COA1: variants seen among roughly 807,000 people sequenced by gnomAD.
COA1 encodes the protein cytochrome c oxidase assembly factor 1, also known as cytochrome c oxidase assembly factor 1 homolog.
COA1 carries 13 observed loss-of-function variants against 16.0 expected under a neutral mutation model. That is an observed-to-expected ratio of 0.81 (90% CI 0.53 to 1.29). The LOEUF (loss-of-function observed/expected upper bound fraction) is 1.29. Ranked by LOEUF, COA1 falls within the 50% of genes most tolerant of loss-of-function variation. The pLI, the probability that COA1 is intolerant of heterozygous loss-of-function variation, is 0.00. For synonymous variants in COA1, 65 were observed against 65.7 expected (o/e 0.99, Z 0.05); for missense variants, 179 against 177.0 (o/e 1.01, Z -0.06).
At chr7:43,628,937 AC>A (rs2153035503) in intron 6 of COA1, among the ~76,000 whole-genome samples, 1 of 152,306 alleles carries the variant, frequency 6.6e-6, no homozygotes, top group East Asian at 1.9e-4. Context: ...GTCTTTGCCT[AC>A]CCAAGCTCAT....
At chr7:43,697,450 T>C (rs1401579708) in intron 1 of COA1, among the ~76,000 whole-genome samples, 1 of 151,966 alleles carries the variant, frequency 6.6e-6, no homozygotes, top group Non-Finnish European at 1.5e-5. Flanking sequence ...TGTGTCACCA[T>C]TCCCAGCTAA....
intron 3 of COA1, chr7:43,646,235 G>C (rs1584329249): frequency 4.4e-6 from 1 of 225,410 alleles, no homozygotes; most frequent in East Asian, 1.1e-4. Context: ...AGGGATACAG[G>C]GAATACCACA....
intron 1 of COA1, among the ~76,000 whole-genome samples, chr7:43,653,947 A>G (rs1261639407): frequency 1.3e-5 from 2 of 152,170 alleles, no homozygotes; most frequent in African/African-American, 2.4e-5. Flanking sequence ...CAGAAATTCC[A>G]TTTAAAATAC....
intron 1 of COA1, among the ~76,000 whole-genome samples, chr7:43,670,794 G>A (rs2093212533): frequency 6.6e-6 from 1 of 152,140 alleles, no homozygotes; most frequent in Non-Finnish European, 1.5e-5. Context: ...CCACTAAAAT[G>A]TAATCTGCAA....
chr7:43,668,972 G>A (rs192777792), intron 1 of COA1, among the ~76,000 whole-genome samples: 75 of 152,264 alleles, frequency 4.9e-4, no homozygotes, highest in African/African-American at 1.7e-3. Context: ...TTTGGACCCT[G>A]TATACTCAAT....
intron 6 of COA1, chr7:43,631,314 C>G (rs1475969112): frequency 6.6e-6 from 1 of 152,352 alleles, no homozygotes; most frequent in Non-Finnish European, 1.5e-5. Flanking sequence ...CAACCTCCAC[C>G]TCCCGGGTTC....
chr7:43,627,934 A>G (rs1359068769), intron 6 of COA1, among the ~76,000 whole-genome samples: 1 of 152,134 alleles, frequency 6.6e-6, no homozygotes, highest in Non-Finnish European at 1.5e-5. Context: ...TGTCTTTGAG[A>G]TTCATCTATG....
At chr7:43,616,871 TG>T (rs1288271173) in intron 6 of COA1, among the ~76,000 whole-genome samples, 3 of 152,204 alleles carry the variant, frequency 2.0e-5, no homozygotes, top group African/African-American at 7.2e-5. Flanking sequence ...CACTCCAGCC[TG>T]GGCAAAAGAG....
At chr7:43,691,072 A>AAAAAAAAAC (rs1563379693) in intron 1 of COA1, among the ~76,000 whole-genome samples, 24 of 105,410 alleles carry the variant, frequency 2.3e-4, no homozygotes, top group African/African-American at 8.8e-4. Flanking sequence ...AAAAAAAAAA[A>AAAAAAAAAC]AAAAACAAAA....
intron 2 of COA1, chr7:43,647,956 G>A (rs139594086): frequency 6.9e-4 from 202 of 293,818 alleles, no homozygotes; most frequent in African/African-American, 4.1e-3. Flanking sequence ...GCCAAGCCCC[G>A]CATGGCCAGG....
chr7:43,724,343 A>C (rs1039736081), intron 1 of COA1, among the ~76,000 whole-genome samples: 1 of 152,078 alleles, frequency 6.6e-6, no homozygotes, highest in Non-Finnish European at 1.5e-5. Flanking sequence ...CCTTGAGGTC[A>C]GGAGTTCAAG....
chr7:43,644,705 ATAGAT>A (rs1269805209), intron 4 of COA1, among the ~76,000 whole-genome samples: 3 of 65,552 alleles, frequency 4.6e-5, no homozygotes, highest in Admixed American at 1.5e-4. Context: ...TTATAGATAG[ATAGAT>A]TAGATAGATA....
intron 5 of COA1, 104 bp downstream of exon 5, chr7:43,640,469 C>T (rs2086767432): frequency 3.5e-6 from 3 of 854,332 alleles, no homozygotes; most frequent in African/African-American, 3.5e-5. Flanking sequence ...AATAATTCTT[C>T]CTATGCCCAC....
At chr7:43,660,141 C>A (rs1232937048) in intron 1 of COA1, among the ~76,000 whole-genome samples, 3 of 152,156 alleles carry the variant, frequency 2.0e-5, no homozygotes, top group Admixed American at 2.0e-4. Context: ...TAATGACGGA[C>A]CTAGCAAATT....
intron 2 of COA1, 23 bp downstream of exon 2, chr7:43,648,577 T>C: frequency 6.2e-7 from 1 of 1,613,828 alleles, no homozygotes; most frequent in South Asian, 1.1e-5. Context: ...AGTGGGGAAC[T>C]TGGCCCTGGA....
chr7:43,724,606 T>G (rs2095576179), intron 1 of COA1, among the ~76,000 whole-genome samples: 1 of 151,252 alleles, frequency 6.6e-6, no homozygotes, highest in Non-Finnish European at 1.5e-5. Flanking sequence ...TATACCAATG[T>G]TCACAGCAGC....
chr7:43,624,929 G>A, intron 6 of COA1: 1 of 1,186,504 alleles, frequency 8.4e-7, no homozygotes, highest in Non-Finnish European at 1.2e-6. Context: ...TACATGTACT[G>A]GAAGTGGATA....
At chr7:43,689,174 G>A (rs562447898) in intron 1 of COA1, among the ~76,000 whole-genome samples, 1 of 152,344 alleles carries the variant, frequency 6.6e-6, no homozygotes, top group African/African-American at 2.4e-5. Flanking sequence ...AGAAATGAGT[G>A]ATTCCATTTG....
chr7:43,647,381 G>A (rs570704472), intron 3 of COA1, 154 bp downstream of exon 3: 223 of 649,240 alleles, frequency 3.4e-4, no homozygotes, highest in Non-Finnish European at 6.0e-4. Flanking sequence ...GGATACAGAG[G>A]AAGCTATAGC....
Sources: gnomAD v4.1 joint callset for allele counts (sites outside exome capture counted in the v4.1 genomes callset) on GRCh38, gnomAD v4.1.1 for gene constraint, MANE v1.5 for transcripts, NCBI Gene and HGNC (gene_info 2026-07-23, HGNC 2026-07-21) for gene names.